Variants in KHDRBS3 observed in about 807,000 individuals in gnomAD.
The protein encoded by KHDRBS3 is KH RNA binding domain containing, signal transduction associated 3.
KHDRBS3 carries 23 observed loss-of-function variants against 45.6 expected under a neutral mutation model. That is an observed-to-expected ratio of 0.50 (90% CI 0.36 to 0.72). The LOEUF (loss-of-function observed/expected upper bound fraction) is 0.72. Ranked by LOEUF, KHDRBS3 falls within the 30% of genes least tolerant of loss-of-function variation. The pLI is 0.00. For synonymous variants in KHDRBS3, 162 were observed against 156.5 expected, an observed-to-expected ratio of 1.04 and a Z score of -0.26; for missense variants, 352 against 424.8, an observed-to-expected ratio of 0.83 and a Z score of 1.51.
rs143754412 is a variant in KHDRBS3, at chr8:135,474,537, A to G, written c.88+16583A>G. On this transcript the variant is annotated intron_variant, in intron 1 of 8. Coordinates refer to ENST00000355849, the MANE Select transcript of KHDRBS3 (RefSeq NM_006558.3). ...CCAAAATGTTAATGAGCCAGTTTAT[A>G]TTGTTTAATAGTCTCTAAATTCTTT... 3.8e-4 allele frequency among the ~76,000 whole-genome samples: 58 copies of G among 152,296 alleles called. 1 individual carries two copies. The East Asian group carries it at 0.01, about 26-fold the overall frequency.
chr8:135,594,611 TC>T (rs1828892324), intron 6 of KHDRBS3, among the ~76,000 whole-genome samples: 1 of 152,230 alleles, frequency 6.6e-6, no homozygotes, highest in African/African-American at 2.4e-5. Flanking sequence ...ATCTAATTCT[TC>T]AGTTTACCAA....
intron 1 of KHDRBS3, among the ~76,000 whole-genome samples, chr8:135,484,428 G>A (rs533835254): frequency 3.3e-5 from 5 of 152,296 alleles, no homozygotes; most frequent in East Asian, 1.9e-4. Context: ...CCTCTCCGCC[G>A]GCTGTGCCTG....
intron 6 of KHDRBS3, among the ~76,000 whole-genome samples, chr8:135,583,491 CA>C (rs1472114485): frequency 6.6e-6 from 1 of 152,104 alleles, no homozygotes; most frequent in Non-Finnish European, 1.5e-5. Flanking sequence ...TAGGTAGGCC[CA>C]GTGTCTGTTC....
At chr8:135,485,945 G>T (rs142098437) in intron 1 of KHDRBS3, among the ~76,000 whole-genome samples, 13 of 150,936 alleles carry the variant, frequency 8.6e-5, no homozygotes, top group Admixed American at 4.0e-4. Context: ...ACTACCAAGG[G>T]CCTTAGCTCC....
In KHDRBS3 at chr8:135,457,898, C is replaced by T; in HGVS notation, c.32C>T (p.Ala11Val). The T allele has an allele frequency of 6.2e-7, 1 of 1,600,044 alleles. No individual in the cohort carries two copies. Among genetic ancestry groups the T allele is most frequent in the African/African-American group, 1.4e-5 (1 of 73,746 alleles). Residue 11 changes from alanine (A) to valine (V), a missense_variant, in exon 1 of 9, where the codon GCG (alanine) becomes GTG (valine). Physicochemically the swap from Ala to Val is moderately conservative, Grantham distance 64 (BLOSUM62 0). Transcript: ENST00000355849. The surrounding 1 kb of genome is among the most constrained non-coding windows in gnomAD (Gnocchi z 4.4). ...GAGAAGTACCTGCCCGAGCTGATGG[C>T]GGAGAAGGACTCCCTGGACCCCTCC... MEEKYLPELM[A>V]EKDSLDPSFT...
intron 6 of KHDRBS3, among the ~76,000 whole-genome samples, chr8:135,593,812 C>T (rs570977827): frequency 6.6e-6 from 1 of 152,036 alleles, no homozygotes; most frequent in East Asian, 1.9e-4. Context: ...ACACAGTTAA[C>T]CTTGAGAATT....
intron 6 of KHDRBS3, among the ~76,000 whole-genome samples, chr8:135,582,366 TTA>T (rs1359742806): frequency 6.6e-6 from 1 of 152,168 alleles, no homozygotes; most frequent in African/African-American, 2.4e-5. Flanking sequence ...TTACAGGAAT[TTA>T]ATGTAACATT....
At chr8:135,496,256 A>G (rs1009970023) in intron 1 of KHDRBS3, among the ~76,000 whole-genome samples, 1 of 151,284 alleles carries the variant, frequency 6.6e-6, no homozygotes, top group Non-Finnish European at 1.5e-5. Flanking sequence ...TTTTTGAGAC[A>G]GAGTCTTGCT....
intron 1 of KHDRBS3, among the ~76,000 whole-genome samples, chr8:135,468,182 C>T (rs576228369): frequency 1.2e-4 from 18 of 152,328 alleles, no homozygotes; most frequent in Non-Finnish European, 2.6e-4. Flanking sequence ...GGGCCCTTTG[C>T]TCTGGCTCCT....
At position 135,581,943 on chromosome 8, in the gene KHDRBS3, G is replaced by A. The variant is rs1828232123; in HGVS notation, c.677G>A (p.Arg226Lys). 2 of 1,613,506 alleles carry A rather than the reference G, an allele frequency of 1.2e-6. No homozygotes were observed. Among genetic ancestry groups the A allele is most frequent in the African/African-American group, 1.3e-5 (1 of 75,040 alleles). ...GTACCACGAGGGACGCCAACTCCCA[G>A]AGGAGTCCTGTCCACCCGAGGGCCA... ...VVVPRGTPTP[R>K]GVLSTRGPVS... Residue 226 changes from arginine to lysine, a missense_variant, in exon 6 of 9, where the codon AGA becomes AAA. Arg to Lys is a conservative substitution (Grantham distance 26). Around this residue, in one of 6 missense-constraint regions of KHDRBS3, gnomAD observed 212 missense variants for 209.6 expected, o/e 1.01. Coordinates refer to ENST00000355849, the MANE Select transcript of KHDRBS3 (RefSeq NM_006558.3).
intron 2 of KHDRBS3, among the ~76,000 whole-genome samples, chr8:135,525,426 G>A (rs1825132931): frequency 6.6e-6 from 1 of 152,108 alleles, no homozygotes; most frequent in African/African-American, 2.4e-5. Context: ...TGCCACTAAA[G>A]CCAAAAGCTC....
intron 1 of KHDRBS3, among the ~76,000 whole-genome samples, chr8:135,480,630 G>A (rs1822514179): frequency 6.6e-6 from 1 of 152,052 alleles, no homozygotes; most frequent in Non-Finnish European, 1.5e-5. Flanking sequence ...TAGAAAAAAA[G>A]TGGAAGATGT....
At position 135,647,094 on chromosome 8, in the gene KHDRBS3, C is replaced by G. The variant is rs760336010; in HGVS notation, c.*10C>G. On this transcript the variant is annotated 3_prime_UTR_variant, in exon 9 of 9. Coordinates refer to ENST00000355849, the MANE Select transcript of KHDRBS3 (RefSeq NM_006558.3). ...ATATGGCAGATACTGATTGTACTGTCTGATGTTGTGAAATAGCCAATCTCC... is the reference window on the plus strand; with the variant it reads ...ATATGGCAGATACTGATTGTACTGTGTGATGTTGTGAAATAGCCAATCTCC... The G allele has an allele frequency of 2.6e-6, 4 of 1,514,072 alleles. No homozygotes were observed. In the South Asian group the frequency reaches 3.4e-5, roughly 13 times the overall value. 93.8% of individuals were successfully genotyped at this position (1,514,072 alleles called of 1,614,324 possible).
intron 6 of KHDRBS3, among the ~76,000 whole-genome samples, chr8:135,599,908 A>G (rs4565494): frequency 5.8e-4 from 88 of 150,564 alleles, no homozygotes; most frequent in East Asian, 1.2e-3. Context: ...CACAGCACCA[A>G]GCAGCAGTGG....
chr8:135,560,289 A>G (rs1404939399), intron 5 of KHDRBS3, among the ~76,000 whole-genome samples: 1 of 152,150 alleles, frequency 6.6e-6, no homozygotes, highest in Admixed American at 6.5e-5. Flanking sequence ...AACTTTATAC[A>G]AGTAAGAGTA....
chr8:135,526,700 A>G (rs918191060), intron 2 of KHDRBS3, among the ~76,000 whole-genome samples: 8 of 152,190 alleles, frequency 5.3e-5, no homozygotes, highest in Admixed American at 1.3e-4. Context: ...GTGAAACTCC[A>G]TCTGATAAAG....
downstream of KHDRBS3, among the ~76,000 whole-genome samples, chr8:135,651,002 A>G (rs988110398): frequency 2.6e-5 from 4 of 152,332 alleles, no homozygotes; most frequent in South Asian, 2.1e-4. Flanking sequence ...GCCACAGTCT[A>G]CTGGGGAAAT....
At chr8:135,571,409 T>C (rs953901447) in intron 5 of KHDRBS3, among the ~76,000 whole-genome samples, 1 of 152,194 alleles carries the variant, frequency 6.6e-6, no homozygotes, top group Non-Finnish European at 1.5e-5. Flanking sequence ...AGGTCATTAG[T>C]ATCACAGATT....
intron 1 of KHDRBS3, among the ~76,000 whole-genome samples, chr8:135,461,698 G>A (rs1253937682): frequency 6.6e-6 from 1 of 152,174 alleles, no homozygotes; most frequent in Non-Finnish European, 1.5e-5. Flanking sequence ...TTCAATACAA[G>A]CCAAGTAACC....
Sources: gnomAD v4.1 joint callset for allele counts (sites outside exome capture counted in the v4.1 genomes callset) on GRCh38, gnomAD v4.1.1 for gene constraint, gnomAD v4.1.1 regional missense constraint, Gnocchi (gnomAD v3.1) non-coding constraint, MANE v1.5 for transcripts, NCBI Gene and HGNC (gene_info 2026-07-23, HGNC 2026-07-21) for gene names.